PGBD2: variants seen among roughly 807,000 people sequenced by gnomAD.
PGBD2 encodes the protein piggyBac transposable element derived 2, also known as piggyBac transposable element-derived protein 2.
In PGBD2, 6 loss-of-function variants were observed where a neutral mutation model predicts 8.1. The ratio of observed to expected loss-of-function variants is 0.74; its 90% confidence interval spans 0.40 to 1.46. The LOEUF (loss-of-function observed/expected upper bound fraction) is 1.46, where lower values mean the gene tolerates loss of function less well. Ranked by LOEUF, PGBD2 falls within the 40% of genes most tolerant of loss-of-function variation. PGBD2 has a pLI of 0.02. For synonymous variants in PGBD2, 318 were observed against 272.2 expected, an observed-to-expected ratio of 1.17 and a Z score of -1.66; for missense variants, 802 against 739.0, an observed-to-expected ratio of 1.09 and a Z score of -0.99.
downstream of PGBD2, among the ~76,000 whole-genome samples, chr1:248,924,472 A>C (rs1488859140): frequency 6.6e-6 from 1 of 152,226 alleles, no homozygotes; most frequent in African/African-American, 2.4e-5. Context: ...CTTGCTCTTA[A>C]GTCTTTTAGA....
the PGBD2 span, among the ~76,000 whole-genome samples, chr1:248,897,251 CT>C: frequency 1.5e-5 from 2 of 129,278 alleles, no homozygotes; most frequent in East Asian, 2.5e-4. Flanking sequence ...TCCCCTCTAC[CT>C]TTGCCTCTTT....
chr1:248,885,787 C>A, the PGBD2 span, among the ~76,000 whole-genome samples: 1 of 152,208 alleles, frequency 6.6e-6, no homozygotes, highest in African/African-American at 2.4e-5. Flanking sequence ...ATTGAGAGAT[C>A]TGTAATATCT....
In PGBD2 at chr1:248,918,985, A is replaced by G. The variant is rs900331709; in HGVS notation, c.*622A>G. 1 of 167,008 alleles carries G rather than the reference A, an allele frequency of 6.0e-6. No homozygotes were observed. Among genetic ancestry groups the G allele is most frequent in the African/African-American group, 2.4e-5 (1 of 41,432 alleles). 10.3% of individuals were successfully genotyped at this position (167,008 alleles called of 1,614,324 possible). On this transcript the variant is annotated 3_prime_UTR_variant, in exon 3 of 3. Transcript: ENST00000329291. ...GGGTACATAGTAGGAGTGTATTTTT[A>G]TGGGTTACATGAGATATTCTGATAC... is the stretch of plus-strand genomic sequence containing the variant.
intron 1 of PGBD2, 21 bp from the exon 2 acceptor site, chr1:248,913,795 T>C: frequency 7.7e-7 from 1 of 1,303,572 alleles, no homozygotes; most frequent in Non-Finnish European, 1.1e-6. Flanking sequence ...TTTTTTTAAA[T>C]TGACTTTTCT....
chr1:248,890,984 C>T, the PGBD2 span, among the ~76,000 whole-genome samples: 1 of 151,846 alleles, frequency 6.6e-6, no homozygotes, highest in Non-Finnish European at 1.5e-5. Flanking sequence ...TCACACATCA[C>T]AGACACACAC....
upstream of PGBD2, among the ~76,000 whole-genome samples, chr1:248,902,577 C>T (rs1440537910): frequency 6.6e-6 from 1 of 152,188 alleles, no homozygotes; most frequent in Non-Finnish European, 1.5e-5. Flanking sequence ...CTCACAACAG[C>T]TAAGACATGT....
chr1:248,920,090 T>C (rs1558292026), downstream of PGBD2: 1 of 151,524 alleles, frequency 6.6e-6, no homozygotes, highest in Non-Finnish European at 1.5e-5. Flanking sequence ...TTGGCCAGGC[T>C]GGTCTTGAAC....
the PGBD2 span, among the ~76,000 whole-genome samples, chr1:248,878,096 C>T: frequency 1.4e-3 from 213 of 152,176 alleles, 4 homozygotes; most frequent in African/African-American, 4.3e-3. Flanking sequence ...TGTCCATTGG[C>T]CACGATGTTC....
At chr1:248,899,799 A>G in the PGBD2 span, among the ~76,000 whole-genome samples, 1 of 141,368 alleles carries the variant, frequency 7.1e-6, no homozygotes, top group Non-Finnish European at 1.6e-5. Context: ...TTTTTTGGGA[A>G]AAAAAAAAAA....
chr1:248,874,953 GATA>G, the PGBD2 span, among the ~76,000 whole-genome samples: 1 of 136,180 alleles, frequency 7.3e-6, no homozygotes, highest in African/African-American at 2.8e-5. Context: ...TAGATAGATA[GATA>G]GACAAATAGA....
chr1:248,902,120 A>T (rs968320060), upstream of PGBD2, among the ~76,000 whole-genome samples: 3 of 151,996 alleles, frequency 2.0e-5, no homozygotes, highest in Non-Finnish European at 1.5e-5. Context: ...ATTACAAAAA[A>T]TAGCCAGGCA....
intron 1 of PGBD2, among the ~76,000 whole-genome samples, chr1:248,912,112 A>G (rs1215498109): frequency 6.6e-6 from 1 of 152,148 alleles, no homozygotes; most frequent in East Asian, 1.9e-4. Context: ...GTGCTGAGAT[A>G]TTTCCTTAGC....
the PGBD2 span, among the ~76,000 whole-genome samples, chr1:248,925,426 G>A: frequency 6.6e-6 from 1 of 152,212 alleles, no homozygotes; most frequent in Non-Finnish European, 1.5e-5. Context: ...GACTGTTGAA[G>A]CCACAAACCA....
chr1:248,908,387 T>G (rs988791381), intron 1 of PGBD2, among the ~76,000 whole-genome samples: 4 of 152,180 alleles, frequency 2.6e-5, no homozygotes, highest in African/African-American at 9.7e-5. Context: ...CCAGTGCTGC[T>G]AGGCTTAGTG....
the PGBD2 span, among the ~76,000 whole-genome samples, chr1:248,898,990 G>C: frequency 6.6e-6 from 1 of 152,094 alleles, no homozygotes; most frequent in Non-Finnish European, 1.5e-5. Context: ...AACCAACAGA[G>C]ATTAAAAACA....
chr1:248,916,513 G>C (rs1662102948), intron 2 of PGBD2, 89 bp from the exon 3 acceptor site: 13 of 1,151,812 alleles, frequency 1.1e-5, no homozygotes, highest in African/African-American at 1.5e-5. Flanking sequence ...AAGTGGAAGT[G>C]TTTTATAGTG....
chr1:248,911,462 G>A (rs996807511), intron 1 of PGBD2, among the ~76,000 whole-genome samples: 1 of 148,680 alleles, frequency 6.7e-6, no homozygotes, highest in African/African-American at 2.6e-5. Context: ...AGGATCCCAA[G>A]GCAGAAGAAG....
At chr1:248,890,615 A>C in the PGBD2 span, among the ~76,000 whole-genome samples, 5 of 151,942 alleles carry the variant, frequency 3.3e-5, no homozygotes, top group South Asian at 4.1e-4. Context: ...TGCACCACAC[A>C]CATACCACAT....
At chr1:248,878,568 C>G in the PGBD2 span, among the ~76,000 whole-genome samples, 1 of 151,966 alleles carries the variant, frequency 6.6e-6, no homozygotes, top group South Asian at 2.1e-4. Context: ...ATTAAAACAC[C>G]CCAGGTTAAG....
Sources: allele counts gnomAD v4.1 joint callset (sites outside exome capture counted in the v4.1 genomes callset), GRCh38; gene constraint gnomAD v4.1.1; transcripts MANE v1.5; gene names NCBI Gene and HGNC (gene_info 2026-07-23, HGNC 2026-07-21).